Variants in AKAP1 observed in about 807,000 individuals in gnomAD.
AKAP1 encodes A-kinase anchoring protein 1.
AKAP1 carries 32 observed loss-of-function variants against 79.8 expected under a neutral mutation model. That is an observed-to-expected ratio of 0.40 (90% CI 0.30 to 0.54). AKAP1 has a LOEUF of 0.54. Among genes scored for constraint, AKAP1 ranks in the 20% least tolerant of loss-of-function variants. The pLI is 0.47. For synonymous variants in AKAP1, 416 were observed against 466.7 expected (o/e 0.89, Z 1.40); for missense variants, 961 against 1,138.9 (o/e 0.84, Z 2.25).
intron 10 of AKAP1, among the ~76,000 whole-genome samples, chr17:57,119,739 A>T (rs539918454): frequency 6.6e-6 from 1 of 151,544 alleles, no homozygotes; most frequent in South Asian, 2.1e-4. Context: ...AAAACAAAAA[A>T]ACCCTATCCT....
intron 7 of AKAP1, among the ~76,000 whole-genome samples, 164 bp downstream of exon 7, chr17:57,116,425 G>A (rs543744202): frequency 6.6e-5 from 10 of 152,194 alleles, no homozygotes; most frequent in African/African-American, 2.4e-4. Context: ...TCGATTACTC[G>A]CTTAGCCAAA....
intron 1 of AKAP1, among the ~76,000 whole-genome samples, chr17:57,099,140 C>G (rs1914322693): frequency 6.6e-6 from 1 of 151,314 alleles, no homozygotes; most frequent in Non-Finnish European, 1.5e-5. Flanking sequence ...CAATGGGTGC[C>G]CTTAGTGAGA....
Position 57,114,606 on chromosome 17 carries a change from G to A in AKAP1, c.2251G>A (p.Gly751Arg), listed in dbSNP as rs773552883. 6.2e-7 allele frequency: 1 copy of A among 1,614,090 alleles called. No individual in the cohort carries two copies. The highest frequency in any genetic ancestry group is 1.7e-5 in the Admixed American group (1 of 60,016). Residue 751 changes from glycine to arginine, a missense_variant, in exon 6 of 11, where the codon GGA becomes AGA. Physicochemically the swap from Gly to Arg is moderately radical, Grantham distance 125. This residue lies in a region of AKAP1 where 629 missense variants were observed against 781.1 expected (regional missense o/e 0.81). Coordinates refer to ENST00000337714, the MANE Select transcript of AKAP1 (RefSeq NM_003488.4). ...QQMYLCYSQPGIPTLPTPVEI... is the reference protein window; with the variant it reads ...QQMYLCYSQPRIPTLPTPVEI... ...GATGTACCTCTGTTACTCTCAGCCT[G>A]GAATCCCCACCTTGCCCACCCCAGT...
Position 57,119,060 on chromosome 17 carries a change from C to G in AKAP1, c.2637+16C>G. On this transcript the variant is annotated intron_variant, in intron 10 of 10. Coordinates refer to ENST00000337714, the MANE Select transcript of AKAP1 (RefSeq NM_003488.4). The stretch of plus-strand genomic sequence containing the variant: ...TGGAGATGAAGTAAGTTCTGCCCTT[C>G]TTTTCCTTCTGTGTTGCTGGCCCGA... The G allele has an allele frequency of 6.2e-7, 1 of 1,612,582 alleles. No individual in the cohort carries two copies. The highest frequency in any genetic ancestry group is 8.5e-7 in the Non-Finnish European group (1 of 1,178,698).
intron 10 of AKAP1, 85 bp from the exon 11 acceptor site, chr17:57,120,165 A>C (rs1641245916): frequency 7.8e-7 from 1 of 1,276,486 alleles, no homozygotes; most frequent in East Asian, 2.3e-5. Context: ...TGCAGTGGCA[A>C]CCGGGGAGGG....
In AKAP1 at chr17:57,085,312, C is replaced by T. The variant is rs553943983; in HGVS notation, c.-111C>T. The T allele has an allele frequency of 1.3e-5, 2 of 151,398 alleles. No homozygotes were observed. Among genetic ancestry groups the T allele is most frequent in the South Asian group, 2.0e-4 (1 of 4,938 alleles). 9.4% of individuals were successfully genotyped at this position (151,398 alleles called of 1,614,324 possible). The stretch of plus-strand genomic sequence containing the variant: ...GTGGGGGAGCTGCGGAAGCGCGGCG[C>T]TGCGGGCCGGGCCGCGGGGCACAGC... On this transcript the variant is annotated 5_prime_UTR_variant, in exon 1 of 11. Coordinates refer to ENST00000337714, the MANE Select transcript of AKAP1 (RefSeq NM_003488.4).
In AKAP1 at chr17:57,086,431, C is replaced by A. The variant is rs575480014; in HGVS notation, c.-25+1033C>A. The A allele has an allele frequency of 1.3e-5, 6 of 456,408 alleles. No homozygotes were observed. The highest frequency in any genetic ancestry group is 4.0e-5 in the African/African-American group (2 of 50,160). The allele number at this position is 456,408 out of a possible 1,614,324, so 28.3% of individuals were successfully genotyped here. A position where few individuals can be genotyped will look rare whatever the true frequency, so the allele number is the denominator to read the frequency against. ...TAGGCGGTGCTGTGGCGACTCGGAACGGCATGGGAGCCCTGGGCGTTTCGG... is the reference window on the plus strand; with the variant it reads ...TAGGCGGTGCTGTGGCGACTCGGAAAGGCATGGGAGCCCTGGGCGTTTCGG... On this transcript the variant is annotated intron_variant, in intron 1 of 10. Coordinates refer to ENST00000337714, the MANE Select transcript of AKAP1 (RefSeq NM_003488.4). This position sits in a 1 kb window ranked among gnomAD's most constrained non-coding sequence, Gnocchi z 5.1.
At chr17:57,089,183 G>T (rs1913632063) in intron 1 of AKAP1, among the ~76,000 whole-genome samples, 1 of 152,170 alleles carries the variant, frequency 6.6e-6, no homozygotes, top group African/African-American at 2.4e-5. Flanking sequence ...GGTCCTGGGA[G>T]CCTTGGAGTT....
At position 57,086,293 on chromosome 17, in the gene AKAP1, G is replaced by T; in HGVS notation, c.-25+895G>T. 2.5e-6 allele frequency: 1 copy of T among 396,642 alleles called. No homozygotes were observed. The highest frequency in any genetic ancestry group is 5.0e-6 in the Non-Finnish European group (1 of 198,924). The allele number at this position is 396,642 out of a possible 1,614,324, so 24.6% of individuals were successfully genotyped here. A position where few individuals can be genotyped will look rare whatever the true frequency, so the allele number is the denominator to read the frequency against. On this transcript the variant is annotated intron_variant, in intron 1 of 10. Transcript: ENST00000337714. The surrounding 1 kb of genome is among the most constrained non-coding windows in gnomAD (Gnocchi z 5.1). ...GTTACGATGTGCTAGGAGAGGCAGT[G>T]GCTGGATGCCTCGAACGCGGGCTTT...
intron 1 of AKAP1, among the ~76,000 whole-genome samples, chr17:57,089,918 C>T (rs1034618262): frequency 7.2e-5 from 11 of 152,196 alleles, no homozygotes; most frequent in African/African-American, 2.7e-4. Flanking sequence ...TCATAAAGAT[C>T]CCTGCTGGTT....
chr17:57,113,793 G>T (rs146124584), intron 5 of AKAP1, among the ~76,000 whole-genome samples: 1,937 of 151,896 alleles, frequency 0.013, 26 homozygotes, highest in Middle Eastern at 0.054. Context: ...AGTAGAGATG[G>T]GATTTCACCA....
intron 2 of AKAP1, among the ~76,000 whole-genome samples, chr17:57,109,462 C>CGAGG (rs1915100101): frequency 6.6e-6 from 1 of 152,226 alleles, no homozygotes; most frequent in Admixed American, 6.5e-5. Flanking sequence ...GGCAGAGGAA[C>CGAGG]GAGCGGGTCC....
rs144825341 is a variant in AKAP1 at position 57,112,719 on chromosome 17, C to T, written c.2103+101C>T. The stretch of plus-strand genomic sequence containing the variant: ...CCTCAGGCTAAGAAGGCCAAGTGCA[C>T]ATGAGTGCCTGCGCCCTCTCTTCTC... On this transcript the variant is annotated intron_variant, in intron 5 of 10. Coordinates refer to ENST00000337714, the MANE Select transcript of AKAP1 (RefSeq NM_003488.4). 10 of 1,465,254 alleles carry T rather than the reference C, an allele frequency of 6.8e-6. No individual in the cohort carries two copies. In the South Asian group the frequency reaches 1.2e-4, roughly 18 times the overall value. 90.8% of individuals were successfully genotyped at this position (1,465,254 alleles called of 1,614,324 possible). A position where few individuals can be genotyped will look rare whatever the true frequency, so the allele number is the denominator to read the frequency against.
Position 57,118,971 on chromosome 17 carries a change from C to G in AKAP1, c.2575-11C>G. On this transcript the variant is annotated splice_polypyrimidine_tract_variant and intron_variant, in intron 9 of 10. Coordinates refer to ENST00000337714, the MANE Select transcript of AKAP1 (RefSeq NM_003488.4). Reference sequence around the variant, plus strand: ...CCTAACCATATTATTCTTTCCACCCCCCTTCTTCAGGTGACAAGTTACAGT... The same window carrying G: ...CCTAACCATATTATTCTTTCCACCCGCCTTCTTCAGGTGACAAGTTACAGT... The G allele has an allele frequency of 1.9e-6, 3 of 1,612,934 alleles. No individual in the cohort carries two copies. The highest frequency in any genetic ancestry group is 2.2e-5 in the East Asian group (1 of 44,860).
At chr17:57,116,365 C>T (rs546004662) in intron 7 of AKAP1, 104 bp downstream of exon 7, 25 of 1,423,072 alleles carry the variant, frequency 1.8e-5, no homozygotes, top group Non-Finnish European at 2.1e-5. Context: ...AGGGTTACTT[C>T]TTCCCTCCTG....
chr17:57,103,923 A>T (rs1914680304), intron 1 of AKAP1, among the ~76,000 whole-genome samples: 1 of 152,136 alleles, frequency 6.6e-6, no homozygotes. Context: ...GCCTTCTTCT[A>T]GGCCCTTACT....
chr17:57,090,826 A>G (rs1018656146), intron 1 of AKAP1, among the ~76,000 whole-genome samples: 13 of 152,254 alleles, frequency 8.5e-5, no homozygotes, highest in African/African-American at 3.1e-4. Flanking sequence ...CTGAGGGCTC[A>G]GGGAAACTGC....
At chr17:57,092,919 T>C (rs1448397895) in intron 1 of AKAP1, 1 of 152,862 alleles carries the variant, frequency 6.5e-6, no homozygotes, top group Admixed American at 6.5e-5. Flanking sequence ...CTTAGGACTT[T>C]GGCACATGTT....
At position 57,106,014 on chromosome 17, in the gene AKAP1, G is replaced by A. The variant is rs896781442; in HGVS notation, c.550G>A (p.Val184Ile). Residue 184 changes from valine to isoleucine, a missense_variant, in exon 2 of 11, where the codon GTA (valine) becomes ATA (isoleucine). This residue lies in a region of AKAP1 where 224 missense variants were observed against 210.2 expected (regional missense o/e 1.07). Transcript: ENST00000337714. ...VPRKVQPGYP[V>I]VPAEKRSSGE... ...AAGGAAGGTCCAGCCAGGCTACCCC[G>A]TAGTCCCCGCAGAGAAGCGTAGCTC... 21 of 1,613,576 alleles carry A rather than the reference G, an allele frequency of 1.3e-5. No individual in the cohort carries two copies. Among genetic ancestry groups the A allele is most frequent in the East Asian group, 2.2e-5 (1 of 44,896 alleles).
Sources: gnomAD v4.1 joint callset for allele counts (sites outside exome capture counted in the v4.1 genomes callset) on GRCh38, gnomAD v4.1.1 for gene constraint, gnomAD v4.1.1 regional missense constraint, Gnocchi (gnomAD v3.1) non-coding constraint, MANE v1.5 for transcripts, NCBI Gene and HGNC (gene_info 2026-07-23, HGNC 2026-07-21) for gene names.